Variants in CTH observed in about 807,000 individuals in gnomAD.
CTH encodes the protein cystathionine gamma-lyase.
Under a neutral mutation model 50.6 loss-of-function variants are expected in CTH, and 41 were observed. That is an observed-to-expected ratio of 0.81 (90% CI 0.63 to 1.05). CTH has a LOEUF of 1.05. Ranked by LOEUF, CTH falls within the 50% of genes least tolerant of loss-of-function variation. CTH has a pLI of 0.00. For synonymous variants in CTH, 156 were observed against 168.9 expected, an observed-to-expected ratio of 0.92 and a Z score of 0.59; for missense variants, 470 against 492.6, an observed-to-expected ratio of 0.95 and a Z score of 0.43.
At chr1:70,417,629 C>T (rs1166486150) in intron 2 of CTH, among the ~76,000 whole-genome samples, 1 of 152,122 alleles carries the variant, frequency 6.6e-6, no homozygotes, top group Non-Finnish European at 1.5e-5. Context: ...GTTTAACTGG[C>T]AATAGGCCTT....
chr1:70,424,236 T>C (rs746369717), intron 4 of CTH, 49 bp from the exon 5 acceptor site: 2 of 1,613,254 alleles, frequency 1.2e-6, no homozygotes, highest in Non-Finnish European at 1.7e-6. Flanking sequence ...AGATGTATGT[T>C]TGTAAAGTAT....
At chr1:70,427,745 C>T (rs1255292106) in intron 5 of CTH, among the ~76,000 whole-genome samples, 1 of 152,158 alleles carries the variant, frequency 6.6e-6, no homozygotes, top group Non-Finnish European at 1.5e-5. Context: ...TGGAGTCTTG[C>T]TCTGTCGCCC....
At chr1:70,438,969 A>G (rs991422524) in intron 11 of CTH, 132 bp from the exon 12 acceptor site, 1 of 1,568,994 alleles carries the variant, frequency 6.4e-7, no homozygotes, top group Non-Finnish European at 8.8e-7. Flanking sequence ...AGGTGTATAA[A>G]TAAACGTATA....
chr1:70,428,902 C>G (rs1024564379), intron 5 of CTH, among the ~76,000 whole-genome samples: 3 of 152,010 alleles, frequency 2.0e-5, no homozygotes, highest in Admixed American at 1.3e-4. Flanking sequence ...TATGAGCCCC[C>G]GCACCCAGCA....
intron 1 of CTH, among the ~76,000 whole-genome samples, chr1:70,412,960 C>T (rs867942977): frequency 1.4e-4 from 22 of 152,114 alleles, no homozygotes; most frequent in Admixed American, 3.3e-4. Flanking sequence ...GTAAAGCCTA[C>T]GAAGGAGCCC....
chr1:70,422,497 T>G (rs1684246808), intron 4 of CTH, among the ~76,000 whole-genome samples: 1 of 152,224 alleles, frequency 6.6e-6, no homozygotes, highest in Non-Finnish European at 1.5e-5. Context: ...GTACAAATAA[T>G]TACTTTGCAC....
chr1:70,422,186 G>C (rs978829680), intron 4 of CTH, among the ~76,000 whole-genome samples: 4 of 152,202 alleles, frequency 2.6e-5, no homozygotes, highest in Non-Finnish European at 5.9e-5. Context: ...TCGAAGCACA[G>C]TGGCTTTGCC....
intron 5 of CTH, among the ~76,000 whole-genome samples, chr1:70,427,232 A>T (rs17131304): frequency 0.029 from 4,367 of 152,244 alleles, 187 homozygotes; most frequent in African/African-American, 0.098. Flanking sequence ...TAGACCTACC[A>T]TCATCAAGTT....
At chr1:70,413,229 A>T (rs72680732) in intron 1 of CTH, among the ~76,000 whole-genome samples, 1 of 151,960 alleles carries the variant, frequency 6.6e-6, no homozygotes, top group African/African-American at 2.4e-5. Flanking sequence ...TTAGAATCAA[A>T]ATATGTACAC....
intron 5 of CTH, among the ~76,000 whole-genome samples, chr1:70,428,902 C>T (rs1024564379): frequency 2.0e-4 from 30 of 152,010 alleles, no homozygotes; most frequent in Non-Finnish European, 4.3e-4. Context: ...TATGAGCCCC[C>T]GCACCCAGCA....
intron 1 of CTH, among the ~76,000 whole-genome samples, chr1:70,414,203 C>T (rs1456808105): frequency 1.3e-5 from 2 of 151,250 alleles, no homozygotes; most frequent in African/African-American, 4.9e-5. Flanking sequence ...GTAAGGATAT[C>T]CTGGAGCCCT....
chr1:70,412,406 G>A (rs2101723372), intron 1 of CTH, among the ~76,000 whole-genome samples: 1 of 152,302 alleles, frequency 6.6e-6, no homozygotes, highest in East Asian at 1.9e-4. Flanking sequence ...AGGAGTTCGA[G>A]CCCAGCCTGG....
rs1175149760 is a variant in CTH, at chr1:70,416,146, T to C, written c.250+109T>C. The C allele has an allele frequency of 5.4e-6, 4 of 743,296 alleles. No individual in the cohort carries two copies. In the Admixed American group the frequency reaches 8.4e-5, roughly 16 times the overall value. The allele number at this position is 743,296 out of a possible 1,614,324, so 46.0% of individuals were successfully genotyped here. A position where few individuals can be genotyped will look rare whatever the true frequency, so the allele number is the denominator to read the frequency against. ...AGAAACAGATTTGCTAGTTCAAAAT[T>C]CCTGTTCTACTGCCTTTGAATTCTT... On this transcript the variant is annotated intron_variant, in intron 2 of 11. Transcript: ENST00000370938.
At position 70,439,403 on chromosome 1, in the gene CTH, T is replaced by A. The variant is rs1361829408; in HGVS notation, c.*276T>A. On this transcript the variant is annotated 3_prime_UTR_variant, in exon 12 of 12. Coordinates refer to ENST00000370938, the MANE Select transcript of CTH (RefSeq NM_001902.6). ...TGAGATTTGTGCTACTTTGGGAGAT[T>A]ATGTTCTTTTTTCATGTCTAAGATT... is the stretch of plus-strand genomic sequence containing the variant. 3 of 418,110 alleles carry A rather than the reference T, an allele frequency of 7.2e-6. No individual in the cohort carries two copies. Among genetic ancestry groups the A allele is most frequent in the African/African-American group, 6.0e-5 (3 of 50,404 alleles). The allele number at this position is 418,110 out of a possible 1,614,324, so 25.9% of individuals were successfully genotyped here.
chr1:70,416,102 A>T, intron 2 of CTH, 65 bp downstream of exon 2: 1 of 968,500 alleles, frequency 1.0e-6, no homozygotes, highest in Non-Finnish European at 1.7e-6. Flanking sequence ...CCATAGAGGC[A>T]CAGAATGTGG....
chr1:70,419,786 G>A (rs1684173500), intron 3 of CTH, among the ~76,000 whole-genome samples: 1 of 152,174 alleles, frequency 6.6e-6, no homozygotes, highest in African/African-American at 2.4e-5. Flanking sequence ...GCTTGCCCTT[G>A]CCTTTAAGCC....
At chr1:70,432,571 A>T (rs1169282902) in intron 8 of CTH, among the ~76,000 whole-genome samples, 2 of 152,100 alleles carry the variant, frequency 1.3e-5, no homozygotes, top group Non-Finnish European at 2.9e-5. Flanking sequence ...ATTTGCTTAT[A>T]ATCTTGTCTG....
intron 1 of CTH, among the ~76,000 whole-genome samples, chr1:70,411,889 C>A (rs1286114844): frequency 6.6e-6 from 1 of 152,092 alleles, no homozygotes; most frequent in Non-Finnish European, 1.5e-5. Context: ...TTTGAGTTAC[C>A]TTTAGCAGCA....
At chr1:70,422,672 C>T (rs562489286) in intron 4 of CTH, among the ~76,000 whole-genome samples, 14 of 145,572 alleles carry the variant, frequency 9.6e-5, no homozygotes, top group South Asian at 8.7e-4. Context: ...AGTGCAATGG[C>T]GCAATCCCAG....
Sources: allele counts gnomAD v4.1 joint callset (sites outside exome capture counted in the v4.1 genomes callset), GRCh38; gene constraint gnomAD v4.1.1; transcripts MANE v1.5; gene names NCBI Gene and HGNC (gene_info 2026-07-23, HGNC 2026-07-21).